Variants in ANAPC7 observed in about 807,000 individuals in gnomAD.
ANAPC7 encodes anaphase promoting complex subunit 7, also known as anaphase-promoting complex subunit 7.
In ANAPC7, 25 loss-of-function variants were observed where a neutral mutation model predicts 63.3. The ratio of observed to expected loss-of-function variants is 0.39; its 90% CI spans 0.29 to 0.55. The LOEUF is 0.55. Among genes scored for constraint, ANAPC7 ranks in the 20% least tolerant of loss-of-function variants. The pLI, the probability that ANAPC7 is intolerant of heterozygous loss-of-function variation, is 0.57. For missense variants in ANAPC7, 516 were observed against 691.7 expected (o/e 0.75, Z 2.85); for synonymous variants, 241 against 251.7 (o/e 0.96, Z 0.40).
At chr12:110,375,991 A>G (rs1281612507) in intron 10 of ANAPC7, 75 bp downstream of exon 10, 12 of 1,475,280 alleles carry the variant, frequency 8.1e-6, no homozygotes, top group African/African-American at 2.8e-5. Flanking sequence ...GTGTGTTTCC[A>G]TAACTCCTGT....
At chr12:110,395,599 T>A (rs1306765754) in intron 2 of ANAPC7, among the ~76,000 whole-genome samples, 1 of 147,460 alleles carries the variant, frequency 6.8e-6, no homozygotes, top group East Asian at 2.0e-4. Flanking sequence ...CTCATCTTCT[T>A]TTTTTTTTTT....
At chr12:110,402,331 G>A (rs1018988977) in intron 1 of ANAPC7, among the ~76,000 whole-genome samples, 2 of 145,102 alleles carry the variant, frequency 1.4e-5, no homozygotes, top group African/African-American at 2.5e-5. Flanking sequence ...TGCAATAAAG[G>A]ATTTTTTTTT....
chr12:110,380,799 A>G (rs770361211), intron 8 of ANAPC7, among the ~76,000 whole-genome samples: 1 of 149,662 alleles, frequency 6.7e-6, no homozygotes, highest in African/African-American at 2.5e-5. Flanking sequence ...CTAAAAATAC[A>G]AAAAATTAGC....
At chr12:110,375,812 A>G (rs1026552618) in intron 10 of ANAPC7, 2 of 1,160,358 alleles carry the variant, frequency 1.7e-6, no homozygotes, top group African/African-American at 3.2e-5. Context: ...AAGATGAGCT[A>G]TACAAATGAA....
intron 8 of ANAPC7, among the ~76,000 whole-genome samples, chr12:110,381,222 C>A (rs1232563721): frequency 6.6e-6 from 1 of 152,136 alleles, no homozygotes; most frequent in Admixed American, 6.5e-5. Context: ...ATTGGTAACC[C>A]CTGGGGACCT....
At chr12:110,398,331 G>A (rs754542204) in intron 1 of ANAPC7, among the ~76,000 whole-genome samples, 1 of 151,838 alleles carries the variant, frequency 6.6e-6, no homozygotes, top group Non-Finnish European at 1.5e-5. Context: ...CAGGACAATC[G>A]CTTGAGCCCA....
At position 110,386,319 on chromosome 12, in the gene ANAPC7, T is replaced by C. The variant is rs765540184; in HGVS notation, c.817+8A>G. On this transcript the variant is annotated splice_region_variant and intron_variant, in intron 6 of 10. Coordinates refer to ENST00000455511, the MANE Select transcript of ANAPC7 (RefSeq NM_016238.3). ...AGCCACTGTCTTCCTGCCCCAAGAATTACTTACCTTTTATCAGATAAGGAT... is the reference window on the plus strand; with the variant it reads ...AGCCACTGTCTTCCTGCCCCAAGAACTACTTACCTTTTATCAGATAAGGAT... The C allele has an allele frequency of 2.5e-6, 4 of 1,613,676 alleles. No individual in the cohort carries two copies. The highest frequency in any genetic ancestry group is 3.4e-6 in the Non-Finnish European group (4 of 1,179,958).
At position 110,381,826 on chromosome 12, in the gene ANAPC7, C is replaced by A; in HGVS notation, c.1058G>T (p.Gly353Val). 1 of 1,613,964 alleles carries A rather than the reference C, an allele frequency of 6.2e-7. No individual in the cohort carries two copies. The change falls in exon 8 of 11, where the codon GGC (glycine) becomes GTC (valine). Residue 353 changes from glycine (G) to valine (V), a missense_variant. Physicochemically the swap from Gly to Val is moderately radical, Grantham distance 109. Around this residue, in one of 4 missense-constraint regions of ANAPC7, gnomAD observed 199 missense variants for 249.3 expected, o/e 0.80. Transcript: ENST00000455511. ...GTGGATTATTGCTTCTTGGACTCTG[C>A]CCATGTTCCTAAGTGCTGCTCCCTT... ...LLKGAALRNM[G>V]RVQEAIIHFR...
At chr12:110,383,594 G>A (rs1284225647) in intron 6 of ANAPC7, among the ~76,000 whole-genome samples, 1 of 151,894 alleles carries the variant, frequency 6.6e-6, no homozygotes, top group Admixed American at 6.6e-5. Context: ...TAAAATATCA[G>A]CCAAGTGGCC....
At chr12:110,403,274 G>A (rs976363339) in intron 1 of ANAPC7, among the ~76,000 whole-genome samples, 2 of 152,158 alleles carry the variant, frequency 1.3e-5, no homozygotes, top group African/African-American at 4.8e-5. Flanking sequence ...CGCCTGGGTC[G>A]TCCTCAGAGC....
chr12:110,375,998 C>A, intron 10 of ANAPC7, 68 bp downstream of exon 10: 1 of 1,499,392 alleles, frequency 6.7e-7, no homozygotes. Context: ...TCCATAACTC[C>A]TGTGACACAG....
chr12:110,382,380 T>C (rs891570514), intron 7 of ANAPC7, among the ~76,000 whole-genome samples: 2 of 141,868 alleles, frequency 1.4e-5, no homozygotes, highest in East Asian at 4.2e-4. Flanking sequence ...CAGACCTAGA[T>C]AGGTAAATAA....
chr12:110,383,527 C>G (rs1420677556), intron 6 of ANAPC7, among the ~76,000 whole-genome samples: 1 of 151,934 alleles, frequency 6.6e-6, no homozygotes, highest in Non-Finnish European at 1.5e-5. Context: ...TCACCTGGGC[C>G]CAGGAGTTCA....
At chr12:110,394,021 A>C (rs1206669134) in intron 3 of ANAPC7, among the ~76,000 whole-genome samples, 2 of 149,774 alleles carry the variant, frequency 1.3e-5, no homozygotes, top group African/African-American at 2.5e-5. Flanking sequence ...AAATACAAAA[A>C]AAAAATTAGC....
chr12:110,387,757 C>G lies in ANAPC7; in HGVS notation c.656G>C (p.Arg219Thr), dbSNP rs367762819. 1 of 1,613,678 alleles carries G rather than the reference C, an allele frequency of 6.2e-7. No individual in the cohort carries two copies. Among genetic ancestry groups the G allele is most frequent in the African/African-American group, 1.3e-5 (1 of 74,918 alleles). Residue 219 changes from arginine (R) to threonine (T), a missense_variant, in exon 5 of 11, where the codon AGA becomes ACA. Around this residue, in one of 4 missense-constraint regions of ANAPC7, gnomAD observed 199 missense variants for 249.3 expected, o/e 0.80. Transcript: ENST00000455511. ...YAFVHTGDNSRAISTICSLEK... is the reference protein window; with the variant it reads ...YAFVHTGDNSTAISTICSLEK... Reference sequence around the variant, plus strand: ...CTCTCACCAGATGGTACTGATTGCTCTTGAGTTGTCACCAGTGTGCACAAA... The same window carrying G: ...CTCTCACCAGATGGTACTGATTGCTGTTGAGTTGTCACCAGTGTGCACAAA...
intron 1 of ANAPC7, among the ~76,000 whole-genome samples, chr12:110,397,552 C>G (rs1462835726): frequency 7.4e-6 from 1 of 135,862 alleles, no homozygotes. Flanking sequence ...AGCGAGATCT[C>G]GTCTCAAAAA....
intron 1 of ANAPC7, among the ~76,000 whole-genome samples, chr12:110,400,999 G>A (rs1057283505): frequency 3.9e-5 from 6 of 152,022 alleles, no homozygotes; most frequent in South Asian, 2.1e-4. Flanking sequence ...GTAGTCAGCC[G>A]AGATCGCACC....
rs150562694 is a variant in ANAPC7 at position 110,380,294 on chromosome 12, T to C, written c.1132+1458A>G. 7.1e-3 allele frequency among the ~76,000 whole-genome samples: 1,074 copies of C among 151,854 alleles called. 19 individuals carry two copies. Among genetic ancestry groups the C allele is most frequent in the African/African-American group, 0.025 (1,032 of 41,378 alleles). Reference sequence around the variant, plus strand: ...TAAACCCGGCAAGTGGAGGTTGCAGTGAGCTGAGATTGCACCACTGCACTC... The same window carrying C: ...TAAACCCGGCAAGTGGAGGTTGCAGCGAGCTGAGATTGCACCACTGCACTC... On this transcript the variant is annotated intron_variant, in intron 8 of 10. Coordinates refer to ENST00000455511, the MANE Select transcript of ANAPC7 (RefSeq NM_016238.3).
rs1881878977 is a variant in ANAPC7, at chr12:110,381,913, GC to G, written c.970del (p.Ala324ProfsTer4). 6.4e-7 allele frequency: 1 copy of G among 1,559,420 alleles called. No individual in the cohort carries two copies. Among genetic ancestry groups the G allele is most frequent in the African/African-American group, 1.4e-5 (1 of 72,394 alleles). ...HSFYSKRYSR[A>X]LYLGAKAIQL... ...AATGGCCTTGGCTCCTAAATAGAGG[GC>G]CCGGGAGTAGCGTTTGCTATAGAAG... On this transcript the variant is annotated frameshift_variant, in exon 8 of 11. Coordinates refer to ENST00000455511, the MANE Select transcript of ANAPC7 (RefSeq NM_016238.3). LOFTEE classifies it high-confidence loss of function.
Sources: allele counts gnomAD v4.1 joint callset (sites outside exome capture counted in the v4.1 genomes callset), GRCh38; gene constraint gnomAD v4.1.1; regional missense constraint gnomAD v4.1.1; transcripts MANE v1.5; gene names NCBI Gene and HGNC (gene_info 2026-07-23, HGNC 2026-07-21).